The following UTRN variants were observed in gnomAD, a reference collection of about 807,000 sequenced individuals.
The protein encoded by UTRN is dystrophin-related protein 1.
A neutral mutation model predicts 463.9 loss-of-function variants in UTRN; 283 were observed. The observed-to-expected ratio is 0.61, with a 90% CI of 0.55 to 0.67. The LOEUF (loss-of-function observed/expected upper bound fraction) is 0.67. UTRN is among the 30% of genes least tolerant of loss of function. The pLI, the probability that UTRN is intolerant of heterozygous loss-of-function variation, is 0.00. For synonymous variants in UTRN, 1,442 were observed against 1,431.5 expected (o/e 1.01, Z -0.17); for missense variants, 3,922 against 4,084.3 (o/e 0.96, Z 1.08).
intron 51 of UTRN, among the ~76,000 whole-genome samples, chr6:144,632,920 C>CATGTT (rs1344435467): frequency 6.6e-6 from 1 of 151,782 alleles, no homozygotes; most frequent in Non-Finnish European, 1.5e-5. Flanking sequence ...AGGGTTTCTC[C>CATGTT]ATGTTGGTCA....
chr6:144,502,308 G>A (rs1476103750), intron 34 of UTRN, among the ~76,000 whole-genome samples: 3 of 150,794 alleles, frequency 2.0e-5, no homozygotes, highest in East Asian at 1.9e-4. Flanking sequence ...TGTGCGGAAC[G>A]TGCAGGTTTG....
chr6:144,780,622 G>C (rs1231592434), intron 60 of UTRN, among the ~76,000 whole-genome samples: 1 of 152,134 alleles, frequency 6.6e-6, no homozygotes, highest in Non-Finnish European at 1.5e-5. Flanking sequence ...TTTTCAGTTA[G>C]TGAATGAAAG....
chr6:144,654,404 T>C (rs1216648132), intron 51 of UTRN, among the ~76,000 whole-genome samples: 3 of 152,228 alleles, frequency 2.0e-5, no homozygotes, highest in African/African-American at 4.8e-5. Flanking sequence ...GTTCCTTAAA[T>C]ATGTATTCAG....
chr6:144,716,527 A>G (rs1027098092), intron 53 of UTRN, among the ~76,000 whole-genome samples: 3 of 152,212 alleles, frequency 2.0e-5, no homozygotes, highest in Non-Finnish European at 4.4e-5. Context: ...GTAATTCTTC[A>G]TAATGCTGTT....
At chr6:144,364,632 A>AT (rs1779358528) in intron 2 of UTRN, among the ~76,000 whole-genome samples, 1 of 152,218 alleles carries the variant, frequency 6.6e-6, no homozygotes, top group Non-Finnish European at 1.5e-5. Context: ...GATTGTTTCA[A>AT]ATTAGCACAA....
intron 2 of UTRN, among the ~76,000 whole-genome samples, chr6:144,347,843 T>TTTTTG: frequency 6.9e-6 from 1 of 145,258 alleles, no homozygotes; most frequent in African/African-American, 2.8e-5. Flanking sequence ...CTTTGTTTTT[T>TTTTTG]TTTTTTGTTT....
intron 54 of UTRN, among the ~76,000 whole-genome samples, chr6:144,732,214 T>TTTTATATATATA (rs1319415092): frequency 4.3e-5 from 4 of 92,314 alleles, no homozygotes; most frequent in East Asian, 9.9e-4. Context: ...GTACTCTGTT[T>TTTTATATATATA]TATATATATA....
At chr6:144,844,642 T>A (rs926165340) in intron 73 of UTRN, among the ~76,000 whole-genome samples, 1 of 152,194 alleles carries the variant, frequency 6.6e-6, no homozygotes, top group Non-Finnish European at 1.5e-5. Flanking sequence ...CATTCCTAGA[T>A]AGTACTCAGA....
chr6:144,751,779 A>T, intron 55 of UTRN, 27 bp from the exon 56 acceptor site: 5 of 1,578,938 alleles, frequency 3.2e-6, no homozygotes, highest in Non-Finnish European at 4.3e-6. Flanking sequence ...CGTTTCCAAT[A>T]ATATATTTTT....
intron 58 of UTRN, among the ~76,000 whole-genome samples, chr6:144,768,417 A>T (rs75751046): frequency 7.9e-5 from 12 of 152,184 alleles, no homozygotes; most frequent in Admixed American, 7.9e-4. Flanking sequence ...TAATTCCTGT[A>T]TACAGTCTAG....
At chr6:144,330,674 C>A in intron 2 of UTRN, 1 of 252,612 alleles carries the variant, frequency 4.0e-6, no homozygotes, top group Non-Finnish European at 6.2e-6. Flanking sequence ...TAAGTGTTGT[C>A]ACACGTCTTC....
At chr6:144,775,483 G>T (rs1282457306) in intron 60 of UTRN, among the ~76,000 whole-genome samples, 1 of 152,186 alleles carries the variant, frequency 6.6e-6, no homozygotes, top group Admixed American at 6.5e-5. Context: ...GTTGCAGCAA[G>T]TGTTGCAGAA....
intron 54 of UTRN, among the ~76,000 whole-genome samples, chr6:144,735,738 C>T (rs568441657): frequency 3.3e-5 from 5 of 151,982 alleles, no homozygotes; most frequent in South Asian, 2.1e-4. Context: ...ATCACTAAAA[C>T]GCCACATTAT....
At chr6:144,416,708 T>A (rs1167298645) in intron 3 of UTRN, among the ~76,000 whole-genome samples, 1 of 152,216 alleles carries the variant, frequency 6.6e-6, no homozygotes, top group Non-Finnish European at 1.5e-5. Flanking sequence ...TTGTGTCATG[T>A]GGTTGTTTAC....
chr6:144,511,076 T>C lies in UTRN; in HGVS notation c.4897T>C (p.Trp1633Arg), dbSNP rs1795126465. 2 of 1,610,456 alleles carry C rather than the reference T, an allele frequency of 1.2e-6. No individual in the cohort carries two copies. The highest frequency in any genetic ancestry group is 2.2e-5 in the South Asian group (2 of 90,658). ...GAGGCTCTGCGTCCTTAACGCTGGG[T>C]GGAGCCGAGTTCGTACCTGGACTGA... is the stretch of plus-strand genomic sequence containing the variant. Reference protein sequence around the residue: ...EERLCVLNAGWSRVRTWTEDW... With the variant: ...EERLCVLNAGRSRVRTWTEDW... The change falls in exon 35 of 75, where the codon TGG (tryptophan) becomes CGG (arginine). Residue 1633 changes from tryptophan to arginine, a missense_variant. Trp to Arg is a moderately radical substitution (Grantham distance 101). Transcript: ENST00000367545.
At chr6:144,548,998 T>G (rs1330087919) in intron 47 of UTRN, 144 bp downstream of exon 47, 1 of 795,062 alleles carries the variant, frequency 1.3e-6, no homozygotes, top group African/African-American at 1.7e-5. Flanking sequence ...CATTCAGGGC[T>G]AACTACAAAG....
At chr6:144,757,828 G>A (rs569329513) in intron 57 of UTRN, 101 bp from the exon 58 acceptor site, 3 of 1,038,546 alleles carry the variant, frequency 2.9e-6, no homozygotes, top group South Asian at 3.4e-5. Context: ...AGAAACCAGA[G>A]CAGTTCATTG....
At chr6:144,292,526 G>A (rs1804334634) in intron 2 of UTRN, among the ~76,000 whole-genome samples, 1 of 152,160 alleles carries the variant, frequency 6.6e-6, no homozygotes, top group African/African-American at 2.4e-5. Flanking sequence ...GACTCTGGCT[G>A]TACAGATGAA....
chr6:144,763,083 C>T (rs1333117197), intron 58 of UTRN, among the ~76,000 whole-genome samples: 3 of 152,078 alleles, frequency 2.0e-5, no homozygotes, highest in Non-Finnish European at 4.4e-5. Flanking sequence ...TCATAGAACC[C>T]TAAATACAAT....
Sources: allele counts gnomAD v4.1 joint callset (sites outside exome capture counted in the v4.1 genomes callset), GRCh38; gene constraint gnomAD v4.1.1; transcripts MANE v1.5; gene names NCBI Gene and HGNC (gene_info 2026-07-23, HGNC 2026-07-21).